Variants in LGALSL observed in about 807,000 individuals in gnomAD.
The protein encoded by LGALSL is galectin-related protein.
In LGALSL, 13 loss-of-function variants were observed where a neutral mutation model predicts 19.5. That is an observed-to-expected ratio of 0.67 (90% CI 0.43 to 1.06). The LOEUF is 1.06. Ranked by LOEUF, LGALSL falls within the 50% of genes least tolerant of loss-of-function variation. The pLI is 0.00. For missense variants in LGALSL, 189 were observed against 219.3 expected, an observed-to-expected ratio of 0.86 and a Z score of 0.87; for synonymous variants, 86 against 78.3, an observed-to-expected ratio of 1.10 and a Z score of -0.52.
chr2:64,458,523 A>G lies in LGALSL; in HGVS notation c.*95A>G, dbSNP rs1433106358. ...CCTAGCAAGATCTGGAGACTTAAAAAGAAAACAAAAACAAATGGCAAGTTT... is the reference window on the plus strand; with the variant it reads ...CCTAGCAAGATCTGGAGACTTAAAAGGAAAACAAAAACAAATGGCAAGTTT... On this transcript the variant is annotated 3_prime_UTR_variant, in exon 5 of 5. Transcript: ENST00000238875. 7.0e-6 allele frequency: 9 copies of G among 1,285,894 alleles called. No individual in the cohort carries two copies. Among genetic ancestry groups the G allele is most frequent in the Non-Finnish European group, 9.6e-6 (9 of 939,056 alleles). The allele number at this position is 1,285,894 out of a possible 1,614,324, so 79.7% of individuals were successfully genotyped here.
At position 64,455,335 on chromosome 2, in the gene LGALSL, T is replaced by C; in HGVS notation, c.37-9T>C. 1.2e-6 allele frequency: 2 copies of C among 1,606,928 alleles called. No individual in the cohort carries two copies. The highest frequency in any genetic ancestry group is 1.7e-6 in the Non-Finnish European group (2 of 1,173,508). On this transcript the variant is annotated splice_polypyrimidine_tract_variant and intron_variant, in intron 1 of 4. Coordinates refer to ENST00000238875, the MANE Select transcript of LGALSL (RefSeq NM_014181.3). ...CATGGAAAGCCAATCTGTGTACTTC[T>C]ATTTTTAGAAACTAGATGATGGCCA...
chr2:64,457,123 A>C (rs1471837802), intron 4 of LGALSL, among the ~76,000 whole-genome samples: 1 of 152,200 alleles, frequency 6.6e-6, no homozygotes, highest in African/African-American at 2.4e-5. Context: ...TATGAAAGGC[A>C]ATGCCAAATA....
chr2:64,455,463 A>C, intron 2 of LGALSL, 48 bp downstream of exon 2: 3 of 1,539,540 alleles, frequency 1.9e-6, no homozygotes, highest in Non-Finnish European at 2.7e-6. Context: ...CTCCTTTCTC[A>C]TTGCTTTTTA....
chr2:64,456,248 T>C, intron 3 of LGALSL, 40 bp from the exon 4 acceptor site: 1 of 1,574,354 alleles, frequency 6.4e-7, no homozygotes, highest in Non-Finnish European at 8.7e-7. Context: ...GAAATGTTTT[T>C]ATATCCAACC....
Position 64,461,252 on chromosome 2 carries a change from C to T in LGALSL, c.*2824C>T, listed in dbSNP as rs1686820793. On this transcript the variant is annotated 3_prime_UTR_variant, in exon 5 of 5. Coordinates refer to ENST00000238875, the MANE Select transcript of LGALSL (RefSeq NM_014181.3). ...CTGGCATTAATGTAGAAATAATGTT[C>T]CTATGATGACATATTTTCAAAGAAA... 6.6e-6 allele frequency: 1 copy of T among 152,106 alleles called. No homozygotes were observed. The highest frequency in any genetic ancestry group is 1.5e-5 in the Non-Finnish European group (1 of 68,022). The allele number at this position is 152,106 out of a possible 1,614,324, so 9.4% of individuals were successfully genotyped here.
chr2:64,460,448 C>G lies in LGALSL; in HGVS notation c.*2020C>G, dbSNP rs769716569. 4 of 152,246 alleles carry G rather than the reference C, an allele frequency of 2.6e-5. No homozygotes were observed. Among genetic ancestry groups the G allele is most frequent in the Admixed American group, 6.5e-5 (1 of 15,286 alleles). The allele number at this position is 152,246 out of a possible 1,614,324, so 9.4% of individuals were successfully genotyped here. A position where few individuals can be genotyped will look rare whatever the true frequency, so the allele number is the denominator to read the frequency against. Reference sequence around the variant, plus strand: ...ATGGTGGAAGAGCCCCATAGGAAGACTGTTTTGAGTGGCCAACCATTCCCA... The same window carrying G: ...ATGGTGGAAGAGCCCCATAGGAAGAGTGTTTTGAGTGGCCAACCATTCCCA... On this transcript the variant is annotated 3_prime_UTR_variant, in exon 5 of 5. Coordinates refer to ENST00000238875, the MANE Select transcript of LGALSL (RefSeq NM_014181.3).
chr2:64,454,685 C>T lies in LGALSL; in HGVS notation c.36+104C>T. ...GGTGCTGAGCAGCCGCAGGCCCGGC[C>T]GGCGCCCGGCGCGTGGGAAGGCGCC... On this transcript the variant is annotated intron_variant, in intron 1 of 4. Coordinates refer to ENST00000238875, the MANE Select transcript of LGALSL (RefSeq NM_014181.3). This position sits in a 1 kb window ranked among gnomAD's most constrained non-coding sequence, Gnocchi z 5.1. 4.7e-6 allele frequency: 4 copies of T among 847,444 alleles called. No individual in the cohort carries two copies. The South Asian group carries it at 2.2e-4, about 46-fold the overall frequency. 52.5% of individuals were successfully genotyped at this position (847,444 alleles called of 1,614,324 possible).
chr2:64,455,293 C>A (rs750559765), intron 1 of LGALSL, 51 bp from the exon 2 acceptor site: 4 of 1,222,888 alleles, frequency 3.3e-6, no homozygotes, highest in Non-Finnish European at 4.9e-6. Context: ...CTTCCTCCAG[C>A]CCCCCAAAAA....
chr2:64,454,529 C>T lies in LGALSL; in HGVS notation c.-17C>T. 2.8e-6 allele frequency: 4 copies of T among 1,417,170 alleles called. No individual in the cohort carries two copies. Among genetic ancestry groups the T allele is most frequent in the African/African-American group, 1.5e-5 (1 of 67,458 alleles). 87.8% of individuals were successfully genotyped at this position (1,417,170 alleles called of 1,614,324 possible). On this transcript the variant is annotated 5_prime_UTR_variant, in exon 1 of 5. Transcript: ENST00000238875. This position sits in a 1 kb window ranked among gnomAD's most constrained non-coding sequence, Gnocchi z 5.1. ...CGCGCGCCGCGTCCCACGTACCCCG[C>T]CGCGCCGGGCAAGAAGATGGCGGGA... is the stretch of plus-strand genomic sequence containing the variant.
intron 1 of LGALSL, 145 bp from the exon 2 acceptor site, chr2:64,455,199 A>G: frequency 1.5e-6 from 1 of 684,774 alleles, no homozygotes; most frequent in South Asian, 1.7e-5. Flanking sequence ...TGATGAGATT[A>G]TCTAAGAGAC....
rs1240141622 is a variant in LGALSL, at chr2:64,454,392, C to T, written c.-154C>T. On this transcript the variant is annotated 5_prime_UTR_variant, in exon 1 of 5. Coordinates refer to ENST00000238875, the MANE Select transcript of LGALSL (RefSeq NM_014181.3). The surrounding 1 kb of genome is among the most constrained non-coding windows in gnomAD (Gnocchi z 5.1). ...CCAGGCTCTGCCTGCCAGGTCGGCG[C>T]CGGGCCCCGGGCGCGCGCGCGCGCG... The T allele has an allele frequency of 5.2e-6, 2 of 383,720 alleles. No individual in the cohort carries two copies. The highest frequency in any genetic ancestry group is 9.1e-6 in the Non-Finnish European group (2 of 220,204). The allele number at this position is 383,720 out of a possible 1,614,324, so 23.8% of individuals were successfully genotyped here. A position where few individuals can be genotyped will look rare whatever the true frequency, so the allele number is the denominator to read the frequency against.
intron 4 of LGALSL, 95 bp from the exon 5 acceptor site, chr2:64,458,190 T>C: frequency 8.5e-7 from 1 of 1,178,050 alleles, no homozygotes; most frequent in East Asian, 2.3e-5. Flanking sequence ...TGTGAACCAC[T>C]GAAGATACTG....
In LGALSL at chr2:64,460,063, C is replaced by G. The variant is rs1686794196; in HGVS notation, c.*1635C>G. 1 of 149,398 alleles carries G rather than the reference C, an allele frequency of 6.7e-6. No homozygotes were observed. The highest frequency in any genetic ancestry group is 2.5e-5 in the African/African-American group (1 of 40,338). 9.3% of individuals were successfully genotyped at this position (149,398 alleles called of 1,614,324 possible). A position where few individuals can be genotyped will look rare whatever the true frequency, so the allele number is the denominator to read the frequency against. ...TGCAGAGGCACTGAAGTGACCATGT[C>G]ATTTTCAAGTGTCAAGAATGTAGAC... On this transcript the variant is annotated 3_prime_UTR_variant, in exon 5 of 5. Transcript: ENST00000238875.
chr2:64,457,433 A>AT (rs1443207110), intron 4 of LGALSL, among the ~76,000 whole-genome samples: 4 of 151,008 alleles, frequency 2.6e-5, no homozygotes, highest in African/African-American at 9.9e-5. Context: ...AAAAAAAAAA[A>AT]AATAAAGGGA....
intron 4 of LGALSL, among the ~76,000 whole-genome samples, chr2:64,456,671 G>A (rs1437027578): frequency 2.0e-5 from 3 of 152,056 alleles, no homozygotes; most frequent in Admixed American, 2.0e-4. Context: ...TTCTATTCAG[G>A]TCATACATTT....
intron 3 of LGALSL, among the ~76,000 whole-genome samples, chr2:64,455,990 A>G (rs1686729225): frequency 6.6e-6 from 1 of 151,754 alleles, no homozygotes; most frequent in Non-Finnish European, 1.5e-5. Flanking sequence ...TATCAAGATG[A>G]ATAAGAACCC....
Position 64,454,910 on chromosome 2 carries a change from C to A in LGALSL, c.36+329C>A, listed in dbSNP as rs1424187720. Among the ~76,000 whole-genome samples, 2 of 152,248 alleles carry A rather than the reference C, an allele frequency of 1.3e-5. No homozygotes were observed. Among genetic ancestry groups the A allele is most frequent in the African/African-American group, 2.4e-5 (1 of 41,558 alleles). On this transcript the variant is annotated intron_variant, in intron 1 of 4. Coordinates refer to ENST00000238875, the MANE Select transcript of LGALSL (RefSeq NM_014181.3). The surrounding 1 kb of genome is among the most constrained non-coding windows in gnomAD (Gnocchi z 5.1). Reference sequence around the variant, plus strand: ...GTCCGGGGCGCGCGCCCCGCCACCGCCCCCGACGTACCGGGGATTCCCCCT... The same window carrying A: ...GTCCGGGGCGCGCGCCCCGCCACCGACCCCGACGTACCGGGGATTCCCCCT...
In LGALSL at chr2:64,455,660, A is replaced by G; in HGVS notation, c.180A>G (p.Val60=). ...AGAAGGTGTTAGTGATGGGCATCGT[A>G]GACCTCAACCCAGAGAGGTAAGGCA... is the stretch of plus-strand genomic sequence containing the variant. ...PGKKVLVMGI[V]DLNPESFAIS... is the part of the protein sequence containing the mutation. The change falls in exon 3 of 5, where the codon GTA becomes GTG. Residue 60 remains valine, a synonymous_variant. Transcript: ENST00000238875. The G allele has an allele frequency of 1.2e-6, 2 of 1,613,500 alleles. 1 individual carries two copies. Among genetic ancestry groups the G allele is most frequent in the South Asian group, 2.2e-5 (2 of 91,066 alleles).
chr2:64,455,272 C>T (rs151252901), intron 1 of LGALSL, 72 bp from the exon 2 acceptor site: 10,335 of 955,532 alleles, frequency 0.011, 97 homozygotes, highest in Non-Finnish European at 0.014. Flanking sequence ...TCCACCACAT[C>T]TGTGTGGGTT....
Sources: allele counts gnomAD v4.1 joint callset (sites outside exome capture counted in the v4.1 genomes callset), GRCh38; gene constraint gnomAD v4.1.1; non-coding constraint Gnocchi (gnomAD v3.1); transcripts MANE v1.5; gene names NCBI Gene and HGNC (gene_info 2026-07-23, HGNC 2026-07-21).